The following SGMS1 variants were observed in gnomAD, a reference collection of about 807,000 sequenced individuals.
SGMS1 encodes phosphatidylcholine:ceramide cholinephosphotransferase 1.
SGMS1 carries 13 observed loss-of-function variants against 46.2 expected under a neutral mutation model. The ratio of observed to expected loss-of-function variants is 0.28; its 90% CI spans 0.18 to 0.45. The LOEUF is 0.45. SGMS1 is among the 20% of genes least tolerant of loss of function. The pLI, the probability that SGMS1 is intolerant of heterozygous loss-of-function variation, is 1.00. For missense variants in SGMS1, 324 were observed against 519.9 expected (o/e 0.62, Z 3.66); for synonymous variants, 203 against 187.8 (o/e 1.08, Z -0.66).
intron 8 of SGMS1, among the ~76,000 whole-genome samples, chr10:50,325,999 C>T (rs979004010): frequency 2.0e-5 from 3 of 151,756 alleles, no homozygotes; most frequent in South Asian, 2.1e-4. Context: ...ACAATAAAAA[C>T]GATGTGAAGC....
chr10:50,583,354 C>A (rs1373180613), intron 2 of SGMS1, among the ~76,000 whole-genome samples: 3 of 152,180 alleles, frequency 2.0e-5, no homozygotes, highest in African/African-American at 7.2e-5. Flanking sequence ...CACCCCCAAT[C>A]CTCTTGGTAA....
chr10:50,323,286 A>G lies in SGMS1; in HGVS notation c.741+3919T>C, dbSNP rs534926523. On this transcript the variant is annotated intron_variant, in intron 8 of 10. Coordinates refer to ENST00000361781, the MANE Select transcript of SGMS1 (RefSeq NM_147156.4). ...AGTACTGGCATTAAGGGAAGCATTA[A>G]GTACACTAATTACAGCATTTTAATG... Among the ~76,000 whole-genome samples the G allele has an allele frequency of 1.1e-4, 17 of 152,282 alleles. 1 individual carries two copies. The South Asian group carries it at 2.7e-3, about 24-fold the overall frequency.
chr10:50,321,033 G>A (rs1237764956), intron 8 of SGMS1, among the ~76,000 whole-genome samples: 1 of 137,268 alleles, frequency 7.3e-6, no homozygotes, highest in Non-Finnish European at 1.5e-5. Context: ...ACATAGGGCA[G>A]GTTCTCTAGA....
chr10:50,482,805 A>T (rs1837488584), intron 3 of SGMS1, among the ~76,000 whole-genome samples: 1 of 152,204 alleles, frequency 6.6e-6, no homozygotes, highest in African/African-American at 2.4e-5. Context: ...CACTGTATTC[A>T]AGAGACACAT....
At chr10:50,596,397 T>C (rs1276971310) in intron 1 of SGMS1, among the ~76,000 whole-genome samples, 1 of 152,190 alleles carries the variant, frequency 6.6e-6, no homozygotes, top group Non-Finnish European at 1.5e-5. Flanking sequence ...AAGCTGGTCT[T>C]GAATTCCTGA....
chr10:50,458,154 G>A (rs1837216105), intron 5 of SGMS1, among the ~76,000 whole-genome samples: 1 of 152,196 alleles, frequency 6.6e-6, no homozygotes, highest in Admixed American at 6.5e-5. Context: ...CTTCTGTGAG[G>A]ATGAGGCTTA....
intron 2 of SGMS1, among the ~76,000 whole-genome samples, chr10:50,554,774 C>T (rs1278506114): frequency 6.6e-6 from 1 of 152,230 alleles, no homozygotes; most frequent in Non-Finnish European, 1.5e-5. Context: ...CTTCTACTCC[C>T]CCAATTGCTA....
chr10:50,351,031 G>A (rs1848002423), intron 6 of SGMS1, among the ~76,000 whole-genome samples: 1 of 152,190 alleles, frequency 6.6e-6, no homozygotes, highest in Non-Finnish European at 1.5e-5. Context: ...AATCAGCCGG[G>A]AGGGAGGCTG....
intron 1 of SGMS1, among the ~76,000 whole-genome samples, chr10:50,591,925 C>T (rs757164098): frequency 2.4e-4 from 37 of 152,196 alleles, no homozygotes; most frequent in Non-Finnish European, 5.1e-4. Context: ...GACTAACACG[C>T]GAAGTACTGG....
intron 2 of SGMS1, among the ~76,000 whole-genome samples, chr10:50,533,730 T>C (rs375648275): frequency 2.5e-4 from 38 of 151,930 alleles, no homozygotes; most frequent in East Asian, 1.9e-3. Context: ...TATAAATCTA[T>C]AAGGAAAACA....
chr10:50,363,698 G>A (rs974949767), intron 6 of SGMS1, among the ~76,000 whole-genome samples: 33 of 152,242 alleles, frequency 2.2e-4, no homozygotes, highest in African/African-American at 6.5e-4. Flanking sequence ...TAACTTGCAG[G>A]TTAATGATCA....
chr10:50,310,800 A>G (rs1183024468), intron 9 of SGMS1, among the ~76,000 whole-genome samples: 4 of 152,226 alleles, frequency 2.6e-5, no homozygotes. Flanking sequence ...CCCTGAGCCC[A>G]TGGCCTTGTT....
At chr10:50,595,847 C>T (rs1040138616) in intron 1 of SGMS1, among the ~76,000 whole-genome samples, 19 of 152,066 alleles carry the variant, frequency 1.2e-4, no homozygotes, top group African/African-American at 3.1e-4. Flanking sequence ...GAGTGGGTGC[C>T]GATAAGAGCA....
At chr10:50,493,920 C>T (rs933293001) in intron 3 of SGMS1, among the ~76,000 whole-genome samples, 3 of 152,228 alleles carry the variant, frequency 2.0e-5, no homozygotes, top group Non-Finnish European at 4.4e-5. Context: ...GCCTCAGCGT[C>T]CCGTGTAACT....
intron 6 of SGMS1, among the ~76,000 whole-genome samples, chr10:50,398,804 ATAT>A (rs1181457862): frequency 1.3e-5 from 2 of 151,756 alleles, no homozygotes. Flanking sequence ...AAAAATATAT[ATAT>A]TATTATTATT....
At chr10:50,600,687 A>G (rs1382725409) in intron 1 of SGMS1, among the ~76,000 whole-genome samples, 2 of 152,218 alleles carry the variant, frequency 1.3e-5, no homozygotes, top group Non-Finnish European at 2.9e-5. Context: ...CTGGGTGAAG[A>G]TAGAAAAGCC....
chr10:50,335,845 G>A (rs541304836), intron 7 of SGMS1: 1 of 152,318 alleles, frequency 6.6e-6, no homozygotes, highest in Admixed American at 6.5e-5. Flanking sequence ...TATCTCTGGT[G>A]AGATGATAAT....
chr10:50,521,034 A>G (rs7916018), intron 2 of SGMS1, among the ~76,000 whole-genome samples: 4,484 of 151,926 alleles, frequency 0.03, 104 homozygotes, highest in African/African-American at 0.064. Flanking sequence ...GCATGCCACC[A>G]TGCCCAGTTG....
At chr10:50,573,032 A>G (rs1838349474) in intron 2 of SGMS1, among the ~76,000 whole-genome samples, 1 of 152,206 alleles carries the variant, frequency 6.6e-6, no homozygotes, top group East Asian at 1.9e-4. Flanking sequence ...ACAAAATTCA[A>G]CAGGATGTTT....
Sources: gnomAD v4.1 joint callset for allele counts (sites outside exome capture counted in the v4.1 genomes callset) on GRCh38, gnomAD v4.1.1 for gene constraint, MANE v1.5 for transcripts, NCBI Gene and HGNC (gene_info 2026-07-23, HGNC 2026-07-21) for gene names.